The following RHBDL2 variants were observed in gnomAD, a reference collection of about 807,000 sequenced individuals.
RHBDL2 encodes the protein rhomboid-related protein 2.
RHBDL2 carries 26 observed loss-of-function variants against 31.7 expected under a neutral mutation model. That is an observed-to-expected ratio of 0.82 (90% CI 0.60 to 1.14). The LOEUF (loss-of-function observed/expected upper bound fraction) is 1.14. Among genes scored for constraint, RHBDL2 ranks in the 50% most tolerant of loss-of-function variants. RHBDL2 has a pLI of 0.00. For synonymous variants in RHBDL2, 123 were observed against 127.2 expected, an observed-to-expected ratio of 0.97 and a Z score of 0.22; for missense variants, 336 against 364.4, an observed-to-expected ratio of 0.92 and a Z score of 0.63.
At chr1:38,892,276 T>G (rs1317220762) in intron 6 of RHBDL2, among the ~76,000 whole-genome samples, 1 of 152,124 alleles carries the variant, frequency 6.6e-6, no homozygotes, top group Non-Finnish European at 1.5e-5. Context: ...ATCTGAAAAT[T>G]TAGAAATTGA....
intron 3 of RHBDL2, 65 bp from the exon 4 acceptor site, chr1:38,911,499 T>C (rs1643140861): frequency 1.9e-6 from 2 of 1,059,468 alleles, no homozygotes; most frequent in Non-Finnish European, 2.9e-6. Context: ...CCCTGGGAGA[T>C]GAACAGACTT....
chr1:38,908,991 A>ACT (rs1465567059), intron 4 of RHBDL2, among the ~76,000 whole-genome samples: 1 of 152,114 alleles, frequency 6.6e-6, no homozygotes, highest in African/African-American at 2.4e-5. Flanking sequence ...GAGTCAGGCC[A>ACT]CTCGGCAGCC....
At chr1:38,886,875 T>A (rs1384986562) in intron 7 of RHBDL2, among the ~76,000 whole-genome samples, 192 bp from the exon 8 acceptor site, 1 of 152,196 alleles carries the variant, frequency 6.6e-6, no homozygotes, top group Non-Finnish European at 1.5e-5. Context: ...CTCTGAAAGA[T>A]ACAAAGCTTA....
chr1:38,921,305 T>A (rs1643311693), intron 1 of RHBDL2, among the ~76,000 whole-genome samples: 1 of 152,160 alleles, frequency 6.6e-6, no homozygotes, highest in Non-Finnish European at 1.5e-5. Context: ...CGCTTGAACC[T>A]GGGAGGCAGA....
At chr1:38,906,491 G>A (rs561261033) in intron 4 of RHBDL2, among the ~76,000 whole-genome samples, 178 of 151,988 alleles carry the variant, frequency 1.2e-3, no homozygotes, top group African/African-American at 3.8e-3. Context: ...TGGCTAACAC[G>A]GTGAAACCCT....
chr1:38,918,663 T>C (rs1643269608), intron 2 of RHBDL2, among the ~76,000 whole-genome samples: 1 of 152,196 alleles, frequency 6.6e-6, no homozygotes, highest in African/African-American at 2.4e-5. Flanking sequence ...AACCCCAGAA[T>C]GATTTGCTTC....
chr1:38,938,306 C>T (rs865869370), intron 1 of RHBDL2, among the ~76,000 whole-genome samples: 2 of 152,126 alleles, frequency 1.3e-5, no homozygotes, highest in African/African-American at 4.8e-5. Flanking sequence ...TGAGCCACCG[C>T]GCCCAGCCAA....
intron 1 of RHBDL2, among the ~76,000 whole-genome samples, chr1:38,919,827 G>A (rs935960577): frequency 1.3e-5 from 2 of 152,068 alleles, no homozygotes; most frequent in African/African-American, 4.8e-5. Flanking sequence ...ACCCGCCTAG[G>A]CCTCCCAAAG....
At chr1:38,918,656 C>A (rs1411899864) in intron 2 of RHBDL2, among the ~76,000 whole-genome samples, 1 of 152,122 alleles carries the variant, frequency 6.6e-6, no homozygotes, top group Non-Finnish European at 1.5e-5. Context: ...CTTGTGCAAC[C>A]CCAGAATGAT....
At chr1:38,912,910 A>ATATGTGTGTGTG (rs1399583863) in intron 3 of RHBDL2, among the ~76,000 whole-genome samples, 27 of 41,360 alleles carry the variant, frequency 6.5e-4, no homozygotes, top group African/African-American at 2.3e-3. Flanking sequence ...ATATATATAT[A>ATATGTGTGTGTG]TGTGTGTGTG....
rs1161986622 is a variant in RHBDL2 at position 38,911,425 on chromosome 1, G to A, written c.405C>T (p.His135=). Residue 135 remains histidine, a synonymous_variant, in exon 4 of 8, where the codon CAC becomes CAT. Coordinates refer to ENST00000372990, the MANE Select transcript of RHBDL2 (RefSeq NM_017821.5). ...SYMLVHAGVQ[H]ILGNLCMQLV... ...GCTGCATACAAAGATTCCCCAAGAT[G>A]TGCTGAACTCTGCAAAGACAAACAA... 4 of 1,611,972 alleles carry A rather than the reference G, an allele frequency of 2.5e-6. No homozygotes were observed. In the African/African-American group the frequency reaches 5.3e-5, roughly 22 times the overall value.
chr1:38,912,287 G>A (rs1643159568), intron 3 of RHBDL2, among the ~76,000 whole-genome samples: 1 of 151,974 alleles, frequency 6.6e-6, no homozygotes, highest in East Asian at 1.9e-4. Flanking sequence ...TGTATTTTTA[G>A]TAGAGATGGG....
chr1:38,906,824 T>A (rs1006667054), intron 4 of RHBDL2, among the ~76,000 whole-genome samples: 11 of 152,162 alleles, frequency 7.2e-5, no homozygotes, highest in Non-Finnish European at 1.2e-4. Flanking sequence ...ATAGAAAATA[T>A]ATCAGTTCTC....
chr1:38,893,824 C>T (rs1221100135), intron 5 of RHBDL2, among the ~76,000 whole-genome samples: 2 of 152,080 alleles, frequency 1.3e-5, no homozygotes, highest in African/African-American at 2.4e-5. Context: ...ACTGCAGCCT[C>T]GAACTCCTGG....
chr1:38,900,961 C>A (rs762830452), intron 4 of RHBDL2, among the ~76,000 whole-genome samples: 3 of 150,920 alleles, frequency 2.0e-5, no homozygotes, highest in Non-Finnish European at 1.5e-5. Context: ...GGCAGGAGCA[C>A]CGCTTGAACC....
At chr1:38,899,784 G>A (rs1374493887) in intron 4 of RHBDL2, among the ~76,000 whole-genome samples, 3 of 152,208 alleles carry the variant, frequency 2.0e-5, no homozygotes, top group East Asian at 1.9e-4. Flanking sequence ...GCTGACTCTG[G>A]CCCTTCCAGT....
intron 1 of RHBDL2, among the ~76,000 whole-genome samples, 185 bp downstream of exon 1, chr1:38,941,497 A>C (rs1036325491): frequency 6.6e-6 from 1 of 152,070 alleles, no homozygotes; most frequent in African/African-American, 2.4e-5. Flanking sequence ...CAACTTTTAA[A>C]ATGAAAGTAG....
intron 1 of RHBDL2, among the ~76,000 whole-genome samples, chr1:38,938,051 T>A (rs1004768185): frequency 3.3e-5 from 5 of 151,880 alleles, no homozygotes; most frequent in Admixed American, 3.3e-4. Flanking sequence ...AGTGTCTCAC[T>A]CTGTTGCCCA....
intron 2 of RHBDL2, among the ~76,000 whole-genome samples, chr1:38,916,128 C>T (rs947106273): frequency 2.0e-5 from 3 of 152,212 alleles, no homozygotes; most frequent in Non-Finnish European, 4.4e-5. Flanking sequence ...GAAAAATAGT[C>T]ACTTGCCAGG....
Sources: gnomAD v4.1 joint callset for allele counts (sites outside exome capture counted in the v4.1 genomes callset) on GRCh38, gnomAD v4.1.1 for gene constraint, MANE v1.5 for transcripts, NCBI Gene and HGNC (gene_info 2026-07-23, HGNC 2026-07-21) for gene names.